The following GFRA2 variants were observed in gnomAD, a reference collection of about 807,000 sequenced individuals.
The protein encoded by GFRA2 is GDNF family receptor alpha 2, also known as GDNF family receptor alpha-2.
A neutral mutation model predicts 48.3 loss-of-function variants in GFRA2; 17 were observed. The observed-to-expected ratio is 0.35, with a 90% CI of 0.24 to 0.53. GFRA2 has a LOEUF of 0.53. Among genes scored for constraint, GFRA2 ranks in the 20% least tolerant of loss-of-function variants. GFRA2 has a pLI of 0.93. For missense variants in GFRA2, 660 were observed against 637.3 expected, an observed-to-expected ratio of 1.04 and a Z score of -0.38; for synonymous variants, 305 against 257.2, an observed-to-expected ratio of 1.19 and a Z score of -1.78.
chr8:21,759,958 G>T lies in GFRA2; in HGVS notation c.440-9016C>A, dbSNP rs1341503416. On this transcript the variant is annotated intron_variant, in intron 3 of 8. Transcript: ENST00000524240. ...CTTTCCGAGGAGGTGACATCAAGTT[G>T]AGGTAGAATGACTAAAATGGCGGGC... is the stretch of plus-strand genomic sequence containing the variant. Among the ~76,000 whole-genome samples the T allele has an allele frequency of 4.0e-5, 6 of 151,590 alleles. No homozygotes were observed. The East Asian group carries it at 1.2e-3, about 29-fold the overall frequency.
At chr8:21,706,821 G>C (rs1802773345) in intron 4 of GFRA2, among the ~76,000 whole-genome samples, 2 of 152,190 alleles carry the variant, frequency 1.3e-5, no homozygotes, top group African/African-American at 4.8e-5. Context: ...TGTCTGAGCT[G>C]GGTCTGTCCC....
chr8:21,763,950 AACACACACACACACACACACACACACAC>A (rs527247743), intron 3 of GFRA2, among the ~76,000 whole-genome samples: 5,761 of 123,476 alleles, frequency 0.047, 225 homozygotes, highest in Admixed American at 0.089. Flanking sequence ...GTCACTAGGT[AACACACACACACACACACACACACACAC>A]ACACACACAC....
intron 3 of GFRA2, among the ~76,000 whole-genome samples, chr8:21,768,091 T>G (rs1806268700): frequency 6.6e-6 from 1 of 152,132 alleles, no homozygotes; most frequent in African/African-American, 2.4e-5. Context: ...GGGTCACCTC[T>G]CTCCACCTCC....
At chr8:21,738,665 C>T (rs1804602691) in intron 4 of GFRA2, among the ~76,000 whole-genome samples, 1 of 152,160 alleles carries the variant, frequency 6.6e-6, no homozygotes, top group African/African-American at 2.4e-5. Context: ...CATGTGCCCT[C>T]TGCAAGGAAC....
In GFRA2 at chr8:21,768,416, C is replaced by T. The variant is rs1472546559; in HGVS notation, c.439+6556G>A. Among the ~76,000 whole-genome samples the T allele has an allele frequency of 1.8e-4, 27 of 152,334 alleles. 1 individual carries two copies. The East Asian group carries it at 5.2e-3, about 29-fold the overall frequency. ...TTCCAGTTCTTCCCTGCCCTCAGCC[C>T]CCTGTGCCCCCGCCTCATCACAGGG... On this transcript the variant is annotated intron_variant, in intron 3 of 8. Coordinates refer to ENST00000524240, the MANE Select transcript of GFRA2 (RefSeq NM_001495.5).
intron 1 of GFRA2, among the ~76,000 whole-genome samples, chr8:21,784,981 T>C (rs1397857124): frequency 6.6e-6 from 1 of 151,948 alleles, no homozygotes; most frequent in Non-Finnish European, 1.5e-5. Flanking sequence ...CGTGGGAGCC[T>C]CTGGAAGAAT....
At position 21,750,105 on chromosome 8, in the gene GFRA2, ACACACG is replaced by A. The variant is rs1297346053; in HGVS notation, c.794+477_794+482del. ...TGTGTGTATACACACACACACACAC[ACACACG>A]CACATATATAGGTAGAGACTGAGTT... On this transcript the variant is annotated intron_variant, in intron 4 of 8. Coordinates refer to ENST00000524240, the MANE Select transcript of GFRA2 (RefSeq NM_001495.5). The surrounding 1 kb of genome is among the most constrained non-coding windows in gnomAD (Gnocchi z 5.7). Among the ~76,000 whole-genome samples the A allele has an allele frequency of 3.4e-5, 5 of 147,940 alleles. No individual in the cohort carries two copies. In the East Asian group the frequency reaches 9.8e-4, roughly 29 times the overall value.
intron 4 of GFRA2, among the ~76,000 whole-genome samples, chr8:21,706,594 C>G (rs1802760675): frequency 6.6e-6 from 1 of 152,154 alleles, no homozygotes; most frequent in South Asian, 2.1e-4. Flanking sequence ...GGGCATCCTC[C>G]CCTGGTCTCT....
rs763032050 is a variant in GFRA2, at chr8:21,763,317, C to T, written c.439+11655G>A. 2.9e-4 allele frequency among the ~76,000 whole-genome samples: 44 copies of T among 152,164 alleles called. No homozygotes were observed. In the Middle Eastern group the frequency reaches 0.01, roughly 35 times the overall value. ...GGGCAGCTCATGGATGGCTGGGGGC[C>T]TCCTTTCTCCTCATCATTTCTGCCC... On this transcript the variant is annotated intron_variant, in intron 3 of 8. Transcript: ENST00000524240.
At chr8:21,788,098 C>A in intron 1 of GFRA2, 22 bp downstream of exon 1, 3 of 1,438,684 alleles carry the variant, frequency 2.1e-6, no homozygotes, top group South Asian at 1.3e-5. Context: ...CCCCCTCGAG[C>A]TCGCCGCCCG....
At chr8:21,808,381 C>T (rs938654844) in intron 1 of GFRA2, among the ~76,000 whole-genome samples, 3 of 152,210 alleles carry the variant, frequency 2.0e-5, no homozygotes, top group Admixed American at 2.0e-4. Flanking sequence ...AGAGCACAGT[C>T]TCATTTTATC....
chr8:21,765,117 A>G (rs1481426155), intron 3 of GFRA2, among the ~76,000 whole-genome samples: 3 of 138,790 alleles, frequency 2.2e-5, no homozygotes, highest in African/African-American at 8.8e-5. Flanking sequence ...TTTTTTATTT[A>G]TTTATTTTTT....
rs1030738941 is a variant in GFRA2 at position 21,778,581 on chromosome 8, A to G, written c.356-3526T>C. On this transcript the variant is annotated intron_variant, in intron 2 of 8. Transcript: ENST00000524240. ...AAATGGTTGTTGAATAAATGAATGA[A>G]TAAACCATCTCAAGACTTAGAACCA... Among the ~76,000 whole-genome samples, 542 of 152,316 alleles carry G rather than the reference A, an allele frequency of 3.6e-3. 2 individuals are homozygous for G. Among genetic ancestry groups the G allele is most frequent in the African/African-American group, 0.013 (520 of 41,580 alleles).
intron 4 of GFRA2, among the ~76,000 whole-genome samples, chr8:21,723,852 T>C (rs1021338811): frequency 1.3e-5 from 2 of 152,178 alleles, no homozygotes; most frequent in African/African-American, 4.8e-5. Context: ...GCAGCGGGCA[T>C]CTGGGGTGCT....
intron 7 of GFRA2, among the ~76,000 whole-genome samples, chr8:21,697,867 C>T (rs1436450358): frequency 2.0e-5 from 3 of 152,170 alleles, no homozygotes; most frequent in Admixed American, 1.3e-4. Flanking sequence ...TTCCCAGTCA[C>T]CATGTAAGAC....
intron 4 of GFRA2, among the ~76,000 whole-genome samples, chr8:21,712,301 G>C (rs1004756661): frequency 1.3e-5 from 2 of 151,212 alleles, no homozygotes; most frequent in African/African-American, 4.9e-5. Context: ...AGGGCGGCCG[G>C]GCAGAGATGC....
intron 1 of GFRA2, among the ~76,000 whole-genome samples, chr8:21,787,377 C>T (rs1395734193): frequency 6.6e-6 from 1 of 152,214 alleles, no homozygotes; most frequent in Admixed American, 6.5e-5. Context: ...GGCCTCCCTC[C>T]CGCCTCTTCC....
At chr8:21,716,308 G>T (rs200492953) in intron 4 of GFRA2, among the ~76,000 whole-genome samples, 1 of 144,116 alleles carries the variant, frequency 6.9e-6, no homozygotes, top group Non-Finnish European at 1.5e-5. Flanking sequence ...GGGAAACAAA[G>T]AAAAAAAAAA....
At chr8:21,711,993 TG>T in intron 4 of GFRA2, among the ~76,000 whole-genome samples, 1 of 152,332 alleles carries the variant, frequency 6.6e-6, no homozygotes. Flanking sequence ...AGCACAGGGT[TG>T]GGGGTAAGGT....
Sources: gnomAD v4.1 joint callset for allele counts (sites outside exome capture counted in the v4.1 genomes callset) on GRCh38, gnomAD v4.1.1 for gene constraint, Gnocchi (gnomAD v3.1) non-coding constraint, MANE v1.5 for transcripts, NCBI Gene and HGNC (gene_info 2026-07-23, HGNC 2026-07-21) for gene names.